CRPPA: variants seen among roughly 807,000 people sequenced by gnomAD.
CRPPA encodes D-ribitol-5-phosphate cytidylyltransferase.
CRPPA carries 43 observed loss-of-function variants against 52.0 expected under a neutral mutation model. The ratio of observed to expected loss-of-function variants is 0.83; its 90% CI spans 0.65 to 1.07. The LOEUF is 1.07. Ranked by LOEUF, CRPPA falls within the 50% of genes least tolerant of loss-of-function variation. The probability of loss-of-function intolerance (pLI) is 0.00; values close to 1 mark genes in which losing one functional copy is unlikely to be tolerated. For synonymous variants in CRPPA, 250 were observed against 203.5 expected, an observed-to-expected ratio of 1.23 and a Z score of -1.94; for missense variants, 629 against 551.7, an observed-to-expected ratio of 1.14 and a Z score of -1.40.
At chr7:16,110,938 G>A (rs1391950881) in intron 9 of CRPPA, among the ~76,000 whole-genome samples, 1 of 152,066 alleles carries the variant, frequency 6.6e-6, no homozygotes, top group East Asian at 1.9e-4. Flanking sequence ...GTAGACAAGT[G>A]TGATTAGATC....
At chr7:16,261,111 T>C (rs955277571) in intron 6 of CRPPA, among the ~76,000 whole-genome samples, 1 of 151,972 alleles carries the variant, frequency 6.6e-6, no homozygotes, top group African/African-American at 2.4e-5. Flanking sequence ...GAAAGACAAA[T>C]GAAGTATTAA....
At chr7:16,261,714 G>A (rs1783808265) in intron 6 of CRPPA, among the ~76,000 whole-genome samples, 1 of 151,770 alleles carries the variant, frequency 6.6e-6, no homozygotes, top group African/African-American at 2.4e-5. Context: ...CAATCACTGT[G>A]CCACTATTTT....
chr7:16,341,835 A>G (rs1785845001), intron 3 of CRPPA, among the ~76,000 whole-genome samples: 1 of 152,202 alleles, frequency 6.6e-6, no homozygotes, highest in Non-Finnish European at 1.5e-5. Context: ...AAGAGCAGCT[A>G]GAAAAATTAG....
intron 3 of CRPPA, among the ~76,000 whole-genome samples, chr7:16,369,564 T>G (rs1460547149): frequency 6.6e-6 from 1 of 152,146 alleles, no homozygotes; most frequent in African/African-American, 2.4e-5. Context: ...TTCCTTCACC[T>G]GCCCTCACAG....
intron 3 of CRPPA, among the ~76,000 whole-genome samples, chr7:16,367,097 C>T (rs1275590556): frequency 1.3e-5 from 2 of 152,098 alleles, no homozygotes; most frequent in East Asian, 1.9e-4. Flanking sequence ...CATTTTTCTT[C>T]ATATGTTCTT....
At chr7:16,254,278 C>T (rs986078049) in intron 8 of CRPPA, among the ~76,000 whole-genome samples, 4 of 152,090 alleles carry the variant, frequency 2.6e-5, no homozygotes, top group African/African-American at 7.2e-5. Context: ...ACTATAAAGA[C>T]GCATGCACAC....
intron 3 of CRPPA, among the ~76,000 whole-genome samples, chr7:16,337,205 C>T (rs1311491415): frequency 2.0e-5 from 3 of 152,224 alleles, no homozygotes; most frequent in African/African-American, 4.8e-5. Context: ...TTCTCCAGCA[C>T]AGATTACATG....
intron 3 of CRPPA, among the ~76,000 whole-genome samples, chr7:16,356,435 G>A (rs1055467797): frequency 3.3e-5 from 5 of 152,142 alleles, no homozygotes; most frequent in African/African-American, 9.7e-5. Flanking sequence ...GGAGTATCTG[G>A]TTTTCCTCTT....
At chr7:16,200,666 T>C (rs1439176288) in intron 9 of CRPPA, among the ~76,000 whole-genome samples, 4 of 152,210 alleles carry the variant, frequency 2.6e-5, no homozygotes, top group Non-Finnish European at 5.9e-5. Context: ...ACAAGAAATT[T>C]AAAGTCACAA....
At chr7:16,093,435 T>A (rs78579694) in intron 9 of CRPPA, among the ~76,000 whole-genome samples, 3,245 of 152,214 alleles carry the variant, frequency 0.021, 121 homozygotes, top group African/African-American at 0.073. Flanking sequence ...CACCACCCTA[T>A]GTCTGGGTTC....
chr7:16,176,785 T>A (rs1352091852), intron 9 of CRPPA, among the ~76,000 whole-genome samples: 1 of 152,064 alleles, frequency 6.6e-6, no homozygotes, highest in African/African-American at 2.4e-5. Context: ...CATATTATTC[T>A]CCACTGACCC....
intron 1 of CRPPA, among the ~76,000 whole-genome samples, chr7:16,412,476 C>T (rs1788096023): frequency 6.6e-6 from 1 of 152,184 alleles, no homozygotes; most frequent in Non-Finnish European, 1.5e-5. Flanking sequence ...TTAGAACGCT[C>T]TTCAGAGACA....
intron 3 of CRPPA, among the ~76,000 whole-genome samples, chr7:16,313,958 G>A (rs1038689697): frequency 6.6e-6 from 1 of 151,922 alleles, no homozygotes; most frequent in Non-Finnish European, 1.5e-5. Flanking sequence ...ATATGAGCAT[G>A]AGAATAATGT....
At chr7:16,243,552 C>T (rs1293646177) in intron 8 of CRPPA, among the ~76,000 whole-genome samples, 1 of 151,910 alleles carries the variant, frequency 6.6e-6, no homozygotes, top group African/African-American at 2.4e-5. Flanking sequence ...CTACATGAAA[C>T]ATATAAAAAT....
At chr7:16,201,716 G>A (rs1279123525) in intron 9 of CRPPA, among the ~76,000 whole-genome samples, 1 of 152,158 alleles carries the variant, frequency 6.6e-6, no homozygotes, top group Non-Finnish European at 1.5e-5. Flanking sequence ...GAATTAAAGG[G>A]CTGTAACACT....
intron 8 of CRPPA, among the ~76,000 whole-genome samples, chr7:16,242,515 T>C (rs1024440937): frequency 5.3e-5 from 8 of 152,118 alleles, no homozygotes; most frequent in Non-Finnish European, 1.0e-4. Flanking sequence ...GTAGCAATAC[T>C]ACACACCCCC....
At chr7:16,116,647 C>T (rs1024149493) in intron 9 of CRPPA, among the ~76,000 whole-genome samples, 14 of 9,840 alleles carry the variant, frequency 1.4e-3, no homozygotes, top group South Asian at 6.0e-3. Flanking sequence ...GGCAATACAG[C>T]GAGACTCGGT....
intron 3 of CRPPA, among the ~76,000 whole-genome samples, chr7:16,351,963 C>T (rs55966090): frequency 0.11 from 16,399 of 152,100 alleles, 1,103 homozygotes; most frequent in East Asian, 0.36. Flanking sequence ...CACATGCATA[C>T]GTATGTTTAT....
chr7:16,365,808 G>A (rs781420633), intron 3 of CRPPA, among the ~76,000 whole-genome samples: 26 of 152,118 alleles, frequency 1.7e-4, no homozygotes, highest in Non-Finnish European at 2.8e-4. Context: ...AGACAACACT[G>A]ACAAACAGAT....
Sources: gnomAD v4.1 joint callset for allele counts (sites outside exome capture counted in the v4.1 genomes callset) on GRCh38, gnomAD v4.1.1 for gene constraint, MANE v1.5 for transcripts, NCBI Gene and HGNC (gene_info 2026-07-23, HGNC 2026-07-21) for gene names.